Variants in PCDH15 observed in about 807,000 individuals in gnomAD.
PCDH15 encodes protocadherin related 15.
In PCDH15, 129 loss-of-function variants were observed where a neutral mutation model predicts 178.5. The observed-to-expected ratio is 0.72, with a 90% confidence interval of 0.63 to 0.84. The LOEUF (loss-of-function observed/expected upper bound fraction) is 0.84. PCDH15 is among the 40% of genes least tolerant of loss of function. The probability of loss-of-function intolerance (pLI) is 0.00; values close to 1 mark genes in which losing one functional copy is unlikely to be tolerated. For missense variants in PCDH15, 2,230 were observed against 2,099.9 expected, an observed-to-expected ratio of 1.06 and a Z score of -1.21; for synonymous variants, 800 against 732.0, an observed-to-expected ratio of 1.09 and a Z score of -1.50.
intron 1 of PCDH15, among the ~76,000 whole-genome samples, chr10:54,799,732 A>C (rs1952446930): frequency 6.6e-6 from 1 of 152,150 alleles, no homozygotes; most frequent in South Asian, 2.1e-4. Flanking sequence ...ATGAGTCCAC[A>C]GTCAAGGGGA....
chr10:54,499,021 G>A (rs1024109020), intron 3 of PCDH15, among the ~76,000 whole-genome samples: 2 of 152,124 alleles, frequency 1.3e-5, no homozygotes, highest in South Asian at 2.1e-4. Context: ...GGAGAAATCC[G>A]CTCCCATGAT....
At chr10:54,875,982 T>C (rs1954132512) in intron 3 of PCDH15, among the ~76,000 whole-genome samples, 1 of 152,134 alleles carries the variant, frequency 6.6e-6, no homozygotes, top group South Asian at 2.1e-4. Context: ...CTAGGACTTA[T>C]AGATAAGAGG....
intron 2 of PCDH15, among the ~76,000 whole-genome samples, chr10:55,022,666 ATATT>A (rs1351964859): frequency 4.0e-5 from 6 of 151,010 alleles, no homozygotes; most frequent in Non-Finnish European, 8.9e-5. Context: ...ACTTTGTAAG[ATATT>A]TATTTTATTT....
At chr10:54,985,750 C>A (rs991351969) in intron 2 of PCDH15, among the ~76,000 whole-genome samples, 1 of 152,176 alleles carries the variant, frequency 6.6e-6, no homozygotes, top group African/African-American at 2.4e-5. Flanking sequence ...TATCATTTCA[C>A]ACCATCATCA....
chr10:53,814,603 A>G (rs2075993776), intron 35 of PCDH15, among the ~76,000 whole-genome samples: 1 of 152,102 alleles, frequency 6.6e-6, no homozygotes, highest in Non-Finnish European at 1.5e-5. Flanking sequence ...GAAATGATCT[A>G]AAAGGTCCCT....
chr10:54,342,575 G>GGAGTCCCCAAACA (rs1942449509), intron 6 of PCDH15, among the ~76,000 whole-genome samples: 1 of 151,756 alleles, frequency 6.6e-6, no homozygotes, highest in African/African-American at 2.4e-5. Flanking sequence ...AAGTGGAATT[G>GGAGTCCCCAAACA]GAGTCCCCAC....
chr10:54,971,462 T>G (rs1451034118), intron 2 of PCDH15, among the ~76,000 whole-genome samples: 2 of 152,178 alleles, frequency 1.3e-5, no homozygotes, highest in Non-Finnish European at 2.9e-5. Context: ...AATTTCAGCT[T>G]CCAGTCTCCA....
intron 1 of PCDH15, among the ~76,000 whole-genome samples, chr10:55,288,885 ATATC>A (rs1486663559): frequency 6.6e-6 from 1 of 151,584 alleles, no homozygotes; most frequent in African/African-American, 2.4e-5. Flanking sequence ...ATATATATAT[ATATC>A]TAGAACTTGG....
At chr10:53,992,534 C>T (rs868043014) in intron 21 of PCDH15, among the ~76,000 whole-genome samples, 12 of 152,146 alleles carry the variant, frequency 7.9e-5, no homozygotes, top group Admixed American at 2.0e-4. Flanking sequence ...TTATTTATCC[C>T]AATTATTCCA....
intron 2 of PCDH15, among the ~76,000 whole-genome samples, chr10:54,936,481 T>G (rs1003956635): frequency 6.6e-6 from 1 of 151,990 alleles, no homozygotes; most frequent in Admixed American, 6.6e-5. Flanking sequence ...TTTGGAACAT[T>G]TTACATTCCA....
intron 28 of PCDH15, among the ~76,000 whole-genome samples, chr10:53,846,456 CTAAT>C (rs2077986225): frequency 6.6e-6 from 1 of 151,830 alleles, no homozygotes; most frequent in South Asian, 2.1e-4. Flanking sequence ...GTACCACATA[CTAAT>C]TAATGTCCAA....
intron 3 of PCDH15, among the ~76,000 whole-genome samples, chr10:54,841,760 A>T (rs2133761787): frequency 6.6e-6 from 1 of 151,908 alleles, no homozygotes; most frequent in Non-Finnish European, 1.5e-5. Flanking sequence ...TTCTAAAATA[A>T]AAATAGAAAA....
At chr10:54,066,628 G>T in intron 18 of PCDH15, 129 bp downstream of exon 18, 1 of 816,068 alleles carries the variant, frequency 1.2e-6, no homozygotes, top group Non-Finnish European at 1.9e-6. Flanking sequence ...ATTTTTTAAA[G>T]TCTTGAAGAA....
chr10:54,493,347 T>C (rs1368183428), intron 3 of PCDH15, among the ~76,000 whole-genome samples: 1 of 152,076 alleles, frequency 6.6e-6, no homozygotes. Flanking sequence ...GGATAGATTA[T>C]GGTGCCTCCT....
At position 54,709,597 on chromosome 10, in the gene PCDH15, TATATATATATATAC is replaced by T. The variant is rs1018626096; in HGVS notation, c.-28-45321_-28-45308del. Among the ~76,000 whole-genome samples, 168 of 124,312 alleles carry T rather than the reference TATATATATATATAC, an allele frequency of 1.4e-3. 1 individual carries two copies. Among genetic ancestry groups the T allele is most frequent in the African/African-American group, 5.3e-3 (156 of 29,686 alleles). The allele number at this position is 124,312 out of a possible 152,430, so 81.6% of individuals were successfully genotyped here. On this transcript the variant is annotated intron_variant, in intron 1 of 37. Coordinates refer to ENST00000644397, the MANE Select transcript of PCDH15 (RefSeq NM_001384140.1). ...TCTTAGCAATTACAAATAATTCATA[TATATATATATATAC>T]ATATATATATATATATAAAATCACT...
intron 2 of PCDH15, among the ~76,000 whole-genome samples, chr10:54,984,443 C>T (rs1462088372): frequency 6.6e-6 from 1 of 152,180 alleles, no homozygotes; most frequent in Non-Finnish European, 1.5e-5. Context: ...TCTGAACAGA[C>T]AGGCCTTGCT....
chr10:55,455,805 G>T (rs1374143667), intron 2 of PCDH15, among the ~76,000 whole-genome samples: 1 of 151,992 alleles, frequency 6.6e-6, no homozygotes, highest in Non-Finnish European at 1.5e-5. Flanking sequence ...CACCCCACAA[G>T]AAATGATAAC....
At position 54,454,208 on chromosome 10, in the gene PCDH15, A is replaced by T. The variant is rs1004450731; in HGVS notation, c.157+73604T>A. ...ATATATTTAATTTTTAATTACTAAA[A>T]TTTTTTCTATAGGCTCTCAATAAGG... On this transcript the variant is annotated intron_variant, in intron 3 of 37. Transcript: ENST00000644397. Among the ~76,000 whole-genome samples the T allele has an allele frequency of 4.2e-4, 62 of 149,380 alleles. 1 individual carries two copies. The highest frequency in any genetic ancestry group is 1.4e-3 in the African/African-American group (57 of 41,158).
intron 17 of PCDH15, among the ~76,000 whole-genome samples, chr10:54,075,098 C>T (rs1429974559): frequency 6.6e-6 from 1 of 152,090 alleles, no homozygotes; most frequent in African/African-American, 2.4e-5. Context: ...AATTCTCGGG[C>T]TGGGCGTGGT....
Sources: gnomAD v4.1 joint callset for allele counts (sites outside exome capture counted in the v4.1 genomes callset) on GRCh38, gnomAD v4.1.1 for gene constraint, MANE v1.5 for transcripts, NCBI Gene and HGNC (gene_info 2026-07-23, HGNC 2026-07-21) for gene names.